TSPAN15: variants seen among roughly 807,000 people sequenced by gnomAD.
TSPAN15 encodes tetraspanin 15, also known as tetraspanin-15.
Under a neutral mutation model 34.5 loss-of-function variants are expected in TSPAN15, and 20 were observed. The observed-to-expected ratio is 0.58, with a 90% CI of 0.41 to 0.84. The LOEUF is 0.84. TSPAN15 is among the 40% of genes least tolerant of loss of function. TSPAN15 has a pLI of 0.00. For synonymous variants in TSPAN15, 155 were observed against 153.9 expected (o/e 1.01, Z -0.05); for missense variants, 313 against 386.1 (o/e 0.81, Z 1.59).
intron 5 of TSPAN15, among the ~76,000 whole-genome samples, chr10:69,499,366 A>G (rs908532019): frequency 6.6e-6 from 1 of 152,186 alleles, no homozygotes; most frequent in African/African-American, 2.4e-5. Context: ...CCAGGAGGGA[A>G]GCTTTGTTTG....
intron 1 of TSPAN15, among the ~76,000 whole-genome samples, chr10:69,455,148 CAAAAAAAAAA>C (rs60463263): frequency 1.2e-5 from 1 of 82,496 alleles, no homozygotes; most frequent in Non-Finnish European, 2.4e-5. Context: ...GTGACAGTCT[CAAAAAAAAAA>C]AAAAAAAAAA....
chr10:69,534,843 G>T, the TSPAN15 span, among the ~76,000 whole-genome samples: 1 of 147,766 alleles, frequency 6.8e-6, no homozygotes, highest in Non-Finnish European at 1.5e-5. Flanking sequence ...AAAAAGCAGG[G>T]TATGGTGGTG....
the TSPAN15 span, among the ~76,000 whole-genome samples, chr10:69,539,476 G>GAAGAAGA: frequency 3.2e-5 from 2 of 62,622 alleles, no homozygotes; most frequent in African/African-American, 1.1e-4. Context: ...GAAGGAGAAG[G>GAAGAAGA]AGAAGGAGAA....
At chr10:69,545,939 G>C in the TSPAN15 span, among the ~76,000 whole-genome samples, 1 of 152,088 alleles carries the variant, frequency 6.6e-6, no homozygotes, top group Non-Finnish European at 1.5e-5. Flanking sequence ...CCGGGTGACA[G>C]AGTGAGACTC....
At chr10:69,494,993 G>A in intron 3 of TSPAN15, 2 of 502,354 alleles carry the variant, frequency 4.0e-6, no homozygotes, top group Non-Finnish European at 5.2e-6. Flanking sequence ...CTAGCCGAGG[G>A]GGACCGAGTG....
At chr10:69,504,119 T>C (rs1842272767) in intron 5 of TSPAN15, among the ~76,000 whole-genome samples, 1 of 152,058 alleles carries the variant, frequency 6.6e-6, no homozygotes, top group Admixed American at 6.5e-5. Flanking sequence ...AAAGCGGTGC[T>C]CTGGGGCGGT....
At chr10:69,456,823 C>T (rs567952275) in intron 1 of TSPAN15, among the ~76,000 whole-genome samples, 36 of 152,312 alleles carry the variant, frequency 2.4e-4, no homozygotes, top group Non-Finnish European at 4.4e-4. Context: ...GATAGGTATA[C>T]CCCTAAACCA....
At chr10:69,504,577 GC>G in intron 6 of TSPAN15, 92 bp downstream of exon 6, 1 of 1,323,648 alleles carries the variant, frequency 7.6e-7, no homozygotes, top group Non-Finnish European at 1.1e-6. Context: ...CGGGGTCCTG[GC>G]CACTGAGATT....
At chr10:69,492,644 G>A (rs763214825) in intron 3 of TSPAN15, among the ~76,000 whole-genome samples, 2 of 147,050 alleles carry the variant, frequency 1.4e-5, no homozygotes, top group Non-Finnish European at 2.9e-5. Context: ...CCCAGGAGGC[G>A]GGATGGTTTG....
At chr10:69,477,837 C>T (rs1213385624) in intron 1 of TSPAN15, among the ~76,000 whole-genome samples, 2 of 152,284 alleles carry the variant, frequency 1.3e-5, no homozygotes, top group East Asian at 3.9e-4. Context: ...TGCTTAGTCT[C>T]TTTGAGCCTA....
chr10:69,476,823 C>T (rs1320757664), intron 1 of TSPAN15, among the ~76,000 whole-genome samples: 1 of 152,120 alleles, frequency 6.6e-6, no homozygotes, highest in East Asian at 1.9e-4. Context: ...CCCCGTTCCT[C>T]AAGCATAAGT....
At chr10:69,476,732 G>A (rs1024110610) in intron 1 of TSPAN15, among the ~76,000 whole-genome samples, 1 of 152,148 alleles carries the variant, frequency 6.6e-6, no homozygotes, top group Non-Finnish European at 1.5e-5. Flanking sequence ...ACAAAGACAA[G>A]TGAATGCGCC....
chr10:69,523,309 C>T, the TSPAN15 span: 2 of 470,884 alleles, frequency 4.2e-6, no homozygotes, highest in South Asian at 4.8e-5. Flanking sequence ...AAAGGGAACT[C>T]AAAGAGCCAA....
chr10:69,540,279 C>A, the TSPAN15 span, among the ~76,000 whole-genome samples: 1 of 152,184 alleles, frequency 6.6e-6, no homozygotes, highest in Non-Finnish European at 1.5e-5. Flanking sequence ...CCTGTAGTCC[C>A]AGCTACTCAG....
rs1435760219 is a variant in TSPAN15, at chr10:69,451,680, C to T, written c.86C>T (p.Thr29Ile). The change falls in exon 1 of 8, where the codon ACC (threonine) becomes ATC (isoleucine). Residue 29 changes from threonine to isoleucine, a missense_variant. Thr to Ile is a moderately conservative substitution (Grantham distance 89). Coordinates refer to ENST00000373290, the MANE Select transcript of TSPAN15 (RefSeq NM_012339.5). ...AAGTTTTCACTTATCATCTATTCCA[C>T]CGTGTTCTGGGTGAGTGACCCCAGT... Reference protein sequence around the residue: ...WLKFSLIIYSTVFWLIGALVL... With the variant: ...WLKFSLIIYSIVFWLIGALVL... 2 of 1,529,454 alleles carry T rather than the reference C, an allele frequency of 1.3e-6. No individual in the cohort carries two copies. Among genetic ancestry groups the T allele is most frequent in the Admixed American group, 2.1e-5 (1 of 48,692 alleles). The allele number at this position is 1,529,454 out of a possible 1,614,324, so 94.7% of individuals were successfully genotyped here.
chr10:69,476,646 G>A (rs1472465966), intron 1 of TSPAN15, among the ~76,000 whole-genome samples: 1 of 151,978 alleles, frequency 6.6e-6, no homozygotes, highest in East Asian at 1.9e-4. Flanking sequence ...CAGGTTCTCT[G>A]TACTTGATGT....
intron 1 of TSPAN15, among the ~76,000 whole-genome samples, chr10:69,472,347 C>G (rs1440161830): frequency 6.6e-6 from 1 of 152,166 alleles, no homozygotes. Context: ...GTAACCTCCT[C>G]CAGGAAGCCT....
At chr10:69,473,489 T>TG (rs1357762085) in intron 1 of TSPAN15, among the ~76,000 whole-genome samples, 1 of 151,122 alleles carries the variant, frequency 6.6e-6, no homozygotes, top group Non-Finnish European at 1.5e-5. Flanking sequence ...AGGCAGCCCG[T>TG]GGGGGCGGAG....
downstream of TSPAN15, among the ~76,000 whole-genome samples, chr10:69,510,505 A>G (rs1011171674): frequency 1.3e-5 from 2 of 152,256 alleles, no homozygotes; most frequent in Admixed American, 6.5e-5. Context: ...TAAATGTACA[A>G]TCATGTCATC....
Sources: allele counts gnomAD v4.1 joint callset (sites outside exome capture counted in the v4.1 genomes callset), GRCh38; gene constraint gnomAD v4.1.1; transcripts MANE v1.5; gene names NCBI Gene and HGNC (gene_info 2026-07-23, HGNC 2026-07-21).